The following KIAA0825 variants were observed in gnomAD, a reference collection of about 807,000 sequenced individuals.
KIAA0825 encodes KIAA0825.
Under a neutral mutation model 147.6 loss-of-function variants are expected in KIAA0825, and 119 were observed. The ratio of observed to expected loss-of-function variants is 0.81; its 90% CI spans 0.69 to 0.94. The LOEUF (loss-of-function observed/expected upper bound fraction) is 0.94. KIAA0825 is among the 40% of genes least tolerant of loss of function. The pLI is 0.00. For synonymous variants in KIAA0825, 470 were observed against 518.1 expected (o/e 0.91, Z 1.26); for missense variants, 1,381 against 1,472.7 (o/e 0.94, Z 1.02).
At chr5:94,577,051 T>A (rs1659554197) in intron 2 of KIAA0825, among the ~76,000 whole-genome samples, 1 of 152,256 alleles carries the variant, frequency 6.6e-6, no homozygotes, top group African/African-American at 2.4e-5. Context: ...TAATACTTGC[T>A]CTTACATTTT....
intron 5 of KIAA0825, among the ~76,000 whole-genome samples, chr5:94,492,086 A>G (rs1763802207): frequency 6.6e-6 from 1 of 152,188 alleles, no homozygotes; most frequent in African/African-American, 2.4e-5. Context: ...AGAAGCTAAA[A>G]GTTGGACTCC....
At chr5:94,503,262 T>A (rs1316962075) in intron 5 of KIAA0825, among the ~76,000 whole-genome samples, 1 of 152,058 alleles carries the variant, frequency 6.6e-6, no homozygotes, top group Non-Finnish European at 1.5e-5. Context: ...GATAAATAAA[T>A]GAATTCCCTA....
intron 2 of KIAA0825, chr5:94,568,212 G>A (rs1170984622): frequency 6.2e-6 from 1 of 160,554 alleles, no homozygotes; most frequent in African/African-American, 2.4e-5. Flanking sequence ...AAAATAGGAG[G>A]ACTACTCAAA....
intron 15 of KIAA0825, among the ~76,000 whole-genome samples, chr5:94,408,495 C>A (rs928123162): frequency 1.3e-5 from 2 of 150,444 alleles, no homozygotes; most frequent in East Asian, 3.9e-4. Flanking sequence ...TACAGGCACC[C>A]ACCACCACAC....
intron 20 of KIAA0825, among the ~76,000 whole-genome samples, chr5:94,230,706 A>T (rs182867133): frequency 1.6e-3 from 250 of 152,244 alleles, no homozygotes; most frequent in African/African-American, 5.8e-3. Flanking sequence ...AAGATTATTT[A>T]AATAAAGGCA....
At chr5:94,547,736 C>CAAAAAAAAAAAAAAAAAAAA (rs144612994) in intron 2 of KIAA0825, among the ~76,000 whole-genome samples, 3 of 127,666 alleles carry the variant, frequency 2.3e-5, no homozygotes, top group African/African-American at 3.3e-5. Flanking sequence ...GACTCCCTTT[C>CAAAAAAAAAAAAAAAAAAAA]AAAAAAAAAA....
At position 94,198,590 on chromosome 5, in the gene KIAA0825, G is replaced by A. The variant is rs192682500; in HGVS notation, c.3711-44466C>T. The stretch of plus-strand genomic sequence containing the variant: ...AGGGAGGGGAACATCACACACTGGG[G>A]CCTGTCAGGGGGTGGGAGGCAAGGG... On this transcript the variant is annotated intron_variant, in intron 20 of 20. Transcript: ENST00000682413. Among the ~76,000 whole-genome samples, 8 of 152,144 alleles carry A rather than the reference G, an allele frequency of 5.3e-5. No individual in the cohort carries two copies. In the East Asian group the frequency reaches 1.4e-3, roughly 26 times the overall value.
chr5:94,460,075 C>T (rs1759621309), intron 12 of KIAA0825, among the ~76,000 whole-genome samples: 2 of 151,984 alleles, frequency 1.3e-5, no homozygotes, highest in East Asian at 1.9e-4. Context: ...TAATTTTTAA[C>T]CTGCTACACA....
intron 20 of KIAA0825, among the ~76,000 whole-genome samples, chr5:94,183,323 C>T (rs1413049103): frequency 1.3e-5 from 2 of 152,178 alleles, no homozygotes; most frequent in African/African-American, 2.4e-5. Flanking sequence ...CAGTTCCTGA[C>T]ACAGAGCTCC....
intron 20 of KIAA0825, among the ~76,000 whole-genome samples, chr5:94,267,747 A>G (rs940429933): frequency 2.0e-5 from 3 of 152,104 alleles, no homozygotes; most frequent in Non-Finnish European, 4.4e-5. Flanking sequence ...TGCTCCTTAC[A>G]TGAGCATTTT....
chr5:94,339,306 C>A (rs979090376), intron 20 of KIAA0825, among the ~76,000 whole-genome samples: 2 of 152,110 alleles, frequency 1.3e-5, no homozygotes, highest in African/African-American at 2.4e-5. Context: ...TGAATATTTT[C>A]TTCCCAGATG....
chr5:94,400,556 G>T (rs1751243606), intron 16 of KIAA0825, among the ~76,000 whole-genome samples: 1 of 152,008 alleles, frequency 6.6e-6, no homozygotes, highest in African/African-American at 2.4e-5. Context: ...TTTCCATTAA[G>T]ACAATTACTC....
chr5:94,275,475 A>G (rs939198456), intron 20 of KIAA0825, among the ~76,000 whole-genome samples: 5 of 152,142 alleles, frequency 3.3e-5, no homozygotes, highest in Non-Finnish European at 7.4e-5. Flanking sequence ...AGAAGTAGCA[A>G]CCTCTCCAAT....
intron 5 of KIAA0825, among the ~76,000 whole-genome samples, chr5:94,489,490 A>T: frequency 6.6e-6 from 1 of 151,272 alleles, no homozygotes. Context: ...GTTAAAAATC[A>T]CTCTCTAAGC....
intron 5 of KIAA0825, among the ~76,000 whole-genome samples, chr5:94,509,687 T>C (rs1766211212): frequency 6.6e-6 from 1 of 152,188 alleles, no homozygotes; most frequent in Non-Finnish European, 1.5e-5. Flanking sequence ...AGTAATAGCT[T>C]GTCCATAAGT....
chr5:94,607,335 A>G (rs1273768453), intron 1 of KIAA0825, among the ~76,000 whole-genome samples: 2 of 152,142 alleles, frequency 1.3e-5, no homozygotes, highest in African/African-American at 4.8e-5. Flanking sequence ...ACACTTTAGG[A>G]AATCAGGCTG....
chr5:94,534,992 A>G (rs1315627413), intron 3 of KIAA0825, among the ~76,000 whole-genome samples: 1 of 152,164 alleles, frequency 6.6e-6, no homozygotes, highest in Non-Finnish European at 1.5e-5. Context: ...AAAGATATAA[A>G]TACATAATTA....
intron 14 of KIAA0825, among the ~76,000 whole-genome samples, chr5:94,429,563 T>G (rs974496881): frequency 6.6e-6 from 1 of 152,180 alleles, no homozygotes; most frequent in Non-Finnish European, 1.5e-5. Context: ...TCAATGTGGC[T>G]GGGTATATAG....
At chr5:94,499,943 C>A (rs568190164) in intron 5 of KIAA0825, among the ~76,000 whole-genome samples, 1 of 152,254 alleles carries the variant, frequency 6.6e-6, no homozygotes, top group African/African-American at 2.4e-5. Context: ...GGATTAGGGG[C>A]TGTAGCTCAG....
Sources: gnomAD v4.1 joint callset for allele counts (sites outside exome capture counted in the v4.1 genomes callset) on GRCh38, gnomAD v4.1.1 for gene constraint, MANE v1.5 for transcripts, NCBI Gene and HGNC (gene_info 2026-07-23, HGNC 2026-07-21) for gene names.